ARPC2: variants seen among roughly 807,000 people sequenced by gnomAD.
ARPC2 encodes actin-related protein 2/3 complex subunit 2.
ARPC2 carries 4 observed loss-of-function variants against 38.6 expected under a neutral mutation model. That is an observed-to-expected ratio of 0.10 (90% CI 0.05 to 0.24). The LOEUF (loss-of-function observed/expected upper bound fraction) is 0.24. Ranked by LOEUF, ARPC2 falls within the 10% of genes least tolerant of loss-of-function variation. The probability of loss-of-function intolerance (pLI) is 1.00; values close to 1 mark genes in which losing one functional copy is unlikely to be tolerated. For synonymous variants in ARPC2, 125 were observed against 140.8 expected (o/e 0.89, Z 0.79); for missense variants, 229 against 387.3 (o/e 0.59, Z 3.43).
intron 3 of ARPC2, among the ~76,000 whole-genome samples, chr2:218,227,339 G>C (rs1419390656): frequency 6.6e-6 from 1 of 152,198 alleles, no homozygotes; most frequent in Non-Finnish European, 1.5e-5. Flanking sequence ...GCAATGTGTG[G>C]ATATTGTTTG....
intron 3 of ARPC2, 34 bp from the exon 4 acceptor site, chr2:218,228,704 A>G (rs1249470253): frequency 7.3e-7 from 1 of 1,373,352 alleles, no homozygotes; most frequent in Middle Eastern, 1.8e-4. Context: ...CCCATTCCCA[A>G]ATTGTTACGC....
intron 5 of ARPC2, chr2:218,235,746 G>A (rs1689754281): frequency 6.6e-6 from 1 of 152,212 alleles, no homozygotes; most frequent in Admixed American, 6.5e-5. Context: ...GACATTGCCA[G>A]ATTGCAGACC....
chr2:218,253,052 C>T, intron 10 of ARPC2: 1 of 453,590 alleles, frequency 2.2e-6, no homozygotes, highest in South Asian at 1.6e-5. Flanking sequence ...AGTTAAGTGA[C>T]TCAGCTGTGG....
intron 3 of ARPC2, chr2:218,227,040 G>T: frequency 2.2e-6 from 1 of 456,514 alleles, no homozygotes; most frequent in Non-Finnish European, 4.4e-6. Context: ...TACAACAAGA[G>T]TCCTCGACAA....
At chr2:218,243,283 A>G (rs1000064686) in intron 7 of ARPC2, among the ~76,000 whole-genome samples, 1 of 152,216 alleles carries the variant, frequency 6.6e-6, no homozygotes, top group Non-Finnish European at 1.5e-5. Flanking sequence ...CGAACTTCCT[A>G]TGATAAATAG....
chr2:218,239,684 C>G (rs1689863293), intron 7 of ARPC2, 200 bp downstream of exon 7: 1 of 504,600 alleles, frequency 2.0e-6, no homozygotes, highest in African/African-American at 2.0e-5. Context: ...ACCTCCGCCT[C>G]CCAGGTTCAA....
At chr2:218,249,666 T>G in intron 9 of ARPC2, 155 bp from the exon 10 acceptor site, 1 of 800,278 alleles carries the variant, frequency 1.2e-6, no homozygotes, top group Non-Finnish European at 2.0e-6. Context: ...AATATTTGTT[T>G]CCAGAATTGC....
intron 4 of ARPC2, among the ~76,000 whole-genome samples, chr2:218,232,066 C>T (rs1338050999): frequency 6.6e-6 from 1 of 152,090 alleles, no homozygotes; most frequent in Non-Finnish European, 1.5e-5. Context: ...ATGGTGAAAC[C>T]CCATCTCTAC....
chr2:218,225,963 C>G lies in ARPC2; in HGVS notation c.109+9C>G. 6.2e-7 allele frequency: 1 copy of G among 1,613,382 alleles called. No individual in the cohort carries two copies. Among genetic ancestry groups the G allele is most frequent in the Non-Finnish European group, 8.5e-7 (1 of 1,179,498 alleles). The stretch of plus-strand genomic sequence containing the variant: ...AGAAGTAACATTTGCAGGTAAGCAT[C>G]TTTATCTCAGCCCTCTGAAGAGAAG... On this transcript the variant is annotated intron_variant, in intron 3 of 10. Transcript: ENST00000315717.
intron 9 of ARPC2, 73 bp from the exon 10 acceptor site, chr2:218,249,748 C>G: frequency 7.0e-7 from 1 of 1,437,828 alleles, no homozygotes; most frequent in Non-Finnish European, 9.6e-7. Flanking sequence ...TTGATGACCT[C>G]TCTGATGAAA....
chr2:218,242,556 A>C (rs1689939581), intron 7 of ARPC2, among the ~76,000 whole-genome samples: 1 of 152,140 alleles, frequency 6.6e-6, no homozygotes, highest in African/African-American at 2.4e-5. Flanking sequence ...CCAAGTCAGT[A>C]ATTTTGGTAG....
chr2:218,221,814 T>C, intron 2 of ARPC2, among the ~76,000 whole-genome samples: 1 of 152,212 alleles, frequency 6.6e-6, no homozygotes, highest in East Asian at 1.9e-4. Flanking sequence ...TCTTACCTAA[T>C]ATGATCTATT....
At chr2:218,234,140 TC>T (rs1689712704) in intron 4 of ARPC2, 2 of 463,884 alleles carry the variant, frequency 4.3e-6, no homozygotes, top group Non-Finnish European at 7.6e-6. Flanking sequence ...TTGCACTCTG[TC>T]CCAGGCATAA....
intron 3 of ARPC2, among the ~76,000 whole-genome samples, chr2:218,228,201 G>A (rs962656329): frequency 1.3e-5 from 2 of 151,900 alleles, no homozygotes; most frequent in African/African-American, 2.4e-5. Context: ...TCAGGAGTTC[G>A]AGACCAGCCT....
In ARPC2 at chr2:218,228,854, A is replaced by C; in HGVS notation, c.222+4A>C. 1.3e-6 allele frequency: 2 copies of C among 1,524,390 alleles called. No individual in the cohort carries two copies. The highest frequency in any genetic ancestry group is 1.8e-6 in the Non-Finnish European group (2 of 1,099,358). 94.4% of individuals were successfully genotyped at this position (1,524,390 alleles called of 1,614,324 possible). A position where few individuals can be genotyped will look rare whatever the true frequency, so the allele number is the denominator to read the frequency against. ...TCAGGCACATGGTGCTGATGAGGTA[A>C]GATCCACATCATTTTCCTTGGGACT... On this transcript the variant is annotated splice_donor_region_variant and intron_variant, in intron 4 of 10. Coordinates refer to ENST00000315717, the MANE Select transcript of ARPC2 (RefSeq NM_152862.3).
At position 218,245,415 on chromosome 2, in the gene ARPC2, G is replaced by A; in HGVS notation, c.550-5G>A. 6.2e-7 allele frequency: 1 copy of A among 1,613,976 alleles called. No individual in the cohort carries two copies. Among genetic ancestry groups the A allele is most frequent in the South Asian group, 1.1e-5 (1 of 91,068 alleles). On this transcript the variant is annotated splice_region_variant and splice_polypyrimidine_tract_variant and intron_variant, in intron 7 of 10. Coordinates refer to ENST00000315717, the MANE Select transcript of ARPC2 (RefSeq NM_152862.3). ...CTTCTGGTTGCTTTTGCTTTGTCTT[G>A]GCAGGAGTTCAAAGAAGGACGCAGA...
At chr2:218,226,343 A>C (rs1689495868) in intron 3 of ARPC2, among the ~76,000 whole-genome samples, 1 of 151,396 alleles carries the variant, frequency 6.6e-6, no homozygotes, top group Non-Finnish European at 1.5e-5. Context: ...ATAAGCTTTG[A>C]CATGGATTGG....
chr2:218,252,961 T>C (rs764893730), intron 10 of ARPC2: 1 of 456,690 alleles, frequency 2.2e-6, no homozygotes, highest in East Asian at 7.0e-5. Context: ...TTTGGCAGAG[T>C]TGGGCCCCAG....
intron 9 of ARPC2, 128 bp from the exon 10 acceptor site, chr2:218,249,693 C>T (rs1690134256): frequency 1.1e-6 from 1 of 921,802 alleles, no homozygotes; most frequent in African/African-American, 1.7e-5. Flanking sequence ...TCCTGCTTCC[C>T]TGCAGGGCCT....
Sources: gnomAD v4.1 joint callset for allele counts (sites outside exome capture counted in the v4.1 genomes callset) on GRCh38, gnomAD v4.1.1 for gene constraint, MANE v1.5 for transcripts, NCBI Gene and HGNC (gene_info 2026-07-23, HGNC 2026-07-21) for gene names.